The following FAM20A variants were observed in gnomAD, a reference collection of about 807,000 sequenced individuals.
FAM20A encodes the protein pseudokinase FAM20A.
FAM20A carries 42 observed loss-of-function variants against 52.0 expected under a neutral mutation model. The ratio of observed to expected loss-of-function variants is 0.81; its 90% CI spans 0.63 to 1.04. FAM20A has a LOEUF of 1.04. Ranked by LOEUF, FAM20A falls within the 50% of genes least tolerant of loss-of-function variation. FAM20A has a pLI of 0.00. For missense variants in FAM20A, 742 were observed against 712.7 expected, an observed-to-expected ratio of 1.04 and a Z score of -0.47; for synonymous variants, 304 against 298.9, an observed-to-expected ratio of 1.02 and a Z score of -0.18.
chr17:68,572,627 G>A (rs1435074158), intron 1 of FAM20A, among the ~76,000 whole-genome samples: 3 of 152,140 alleles, frequency 2.0e-5, no homozygotes, highest in South Asian at 4.1e-4. Context: ...TATGCAGAAC[G>A]ATCAACTCTC....
rs150867945 is a variant in FAM20A at position 68,561,764 on chromosome 17, G to A, written c.405-6021C>T. On this transcript the variant is annotated intron_variant, in intron 1 of 10. Coordinates refer to ENST00000592554, the MANE Select transcript of FAM20A (RefSeq NM_017565.4). The stretch of plus-strand genomic sequence containing the variant: ...TTCTTGAATTATTGATGAGCGTGTA[G>A]TTGGCACATCGTTCTAGAGGGTAAC... Among the ~76,000 whole-genome samples the A allele has an allele frequency of 6.6e-3, 1,009 of 152,160 alleles. 6 individuals are homozygous for A. The highest frequency in any genetic ancestry group is 0.014 in the South Asian group (68 of 4,812).
intron 1 of FAM20A, among the ~76,000 whole-genome samples, chr17:68,571,457 G>A (rs2087532452): frequency 6.6e-6 from 1 of 152,158 alleles, no homozygotes; most frequent in African/African-American, 2.4e-5. Context: ...TTGGACACAG[G>A]AATTGCACTT....
At chr17:68,572,021 T>TATATA (rs2087573920) in intron 1 of FAM20A, among the ~76,000 whole-genome samples, 1 of 120,724 alleles carries the variant, frequency 8.3e-6, no homozygotes, top group African/African-American at 3.4e-5. Flanking sequence ...TATATATATA[T>TATATA]ATATATATAT....
In FAM20A at chr17:68,600,622, C is replaced by T. The variant is rs555807010; in HGVS notation, c.45G>A (p.Leu15=). 26 of 1,561,240 alleles carry T rather than the reference C, an allele frequency of 1.7e-5. No individual in the cohort carries two copies. The East Asian group carries it at 5.6e-4, about 34-fold the overall frequency. The part of the protein sequence containing the change: ...RRDRLLTLLL[L]GALLSADLYF... ...AGAGGTCGGCGGAGAGCAGCGCGCC[C>T]AGCAGCAGCAGAGTCAGTAGGCGGT... The change falls in exon 1 of 11, where the codon CTG becomes CTA. Residue 15 remains leucine, a synonymous_variant. Coordinates refer to ENST00000592554, the MANE Select transcript of FAM20A (RefSeq NM_017565.4). This position sits in a 1 kb window ranked among gnomAD's most constrained non-coding sequence, Gnocchi z 6.2.
intron 1 of FAM20A, among the ~76,000 whole-genome samples, chr17:68,598,735 G>C (rs1038559275): frequency 4.6e-5 from 7 of 151,996 alleles, no homozygotes; most frequent in African/African-American, 1.7e-4. Flanking sequence ...ACTTTGCTTC[G>C]GGTCCAAAGT....
chr17:68,549,547 T>C lies in FAM20A; in HGVS notation c.719+2326A>G, dbSNP rs2086736127. ...CTATTGTGCCACATAAAAATTTTGC[T>C]CGGAGAACAGAATCTATGGACCTGG... On this transcript the variant is annotated intron_variant, in intron 4 of 10. Coordinates refer to ENST00000592554, the MANE Select transcript of FAM20A (RefSeq NM_017565.4). Among the ~76,000 whole-genome samples the C allele has an allele frequency of 3.3e-5, 5 of 152,022 alleles. No homozygotes were observed. In the South Asian group the frequency reaches 1.0e-3, roughly 32 times the overall value.
At position 68,600,758 on chromosome 17, in the gene FAM20A, A is replaced by G. The variant is rs1470993229; in HGVS notation, c.-92T>C. 1.3e-5 allele frequency: 18 copies of G among 1,392,828 alleles called. No individual in the cohort carries two copies. In the African/African-American group the frequency reaches 2.1e-4, roughly 16 times the overall value. 86.3% of individuals were successfully genotyped at this position (1,392,828 alleles called of 1,614,324 possible). A position where few individuals can be genotyped will look rare whatever the true frequency, so the allele number is the denominator to read the frequency against. ...GGGTGCGGGCAGAAGAGGTGCCTGG[A>G]GTCCCGCGGGTGGGCCGGGGTCAGT... is the stretch of plus-strand genomic sequence containing the variant. On this transcript the variant is annotated 5_prime_UTR_variant, in exon 1 of 11. Coordinates refer to ENST00000592554, the MANE Select transcript of FAM20A (RefSeq NM_017565.4). This position sits in a 1 kb window ranked among gnomAD's most constrained non-coding sequence, Gnocchi z 6.2.
At chr17:68,542,312 TC>T in intron 6 of FAM20A, 147 bp from the exon 7 acceptor site, 1 of 936,368 alleles carries the variant, frequency 1.1e-6, no homozygotes, top group Non-Finnish European at 1.6e-6. Flanking sequence ...CATTGACTTT[TC>T]CAGAAGTGAG....
At chr17:68,558,282 A>T (rs2087111810) in intron 1 of FAM20A, 1 of 407,334 alleles carries the variant, frequency 2.5e-6, no homozygotes, top group Non-Finnish European at 5.0e-6. Context: ...CAGCCAACCA[A>T]CACCTTGATT....
chr17:68,583,449 C>T (rs1272968859), intron 1 of FAM20A, among the ~76,000 whole-genome samples: 2 of 152,152 alleles, frequency 1.3e-5, no homozygotes, highest in Admixed American at 6.5e-5. Context: ...ACTCTACTCT[C>T]GGCCTTTGTG....
chr17:68,543,564 C>G, intron 5 of FAM20A, 65 bp downstream of exon 5: 1 of 1,442,258 alleles, frequency 6.9e-7, no homozygotes. Context: ...GAGGGTCTGT[C>G]TAGCCACCCC....
At chr17:68,589,371 G>A (rs1014433721) in intron 1 of FAM20A, among the ~76,000 whole-genome samples, 9 of 152,166 alleles carry the variant, frequency 5.9e-5, no homozygotes, top group Non-Finnish European at 7.3e-5. Flanking sequence ...CTGCAGAATC[G>A]GGGGCTAAAT....
intron 6 of FAM20A, 98 bp downstream of exon 6, chr17:68,542,595 TG>T (rs962578450): frequency 1.0e-5 from 9 of 898,636 alleles, no homozygotes; most frequent in Admixed American, 8.7e-5. Flanking sequence ...TAATGGATAG[TG>T]CTAGCAGCAG....
chr17:68,542,573 C>T lies in FAM20A; in HGVS notation c.928+121G>A, dbSNP rs78241877. 1,141 of 789,738 alleles carry T rather than the reference C, an allele frequency of 1.4e-3. 10 individuals are homozygous for T. In the East Asian group the frequency reaches 0.021, roughly 15 times the overall value. 48.9% of individuals were successfully genotyped at this position (789,738 alleles called of 1,614,324 possible). A position where few individuals can be genotyped will look rare whatever the true frequency, so the allele number is the denominator to read the frequency against. On this transcript the variant is annotated intron_variant, in intron 6 of 10. Coordinates refer to ENST00000592554, the MANE Select transcript of FAM20A (RefSeq NM_017565.4). The stretch of plus-strand genomic sequence containing the variant: ...GGTGGGAGTGTCTTACAACTTCATA[C>T]GCCCATCCCAGTAATGGATAGTGCT...
At chr17:68,587,871 C>T (rs2088202883) in intron 1 of FAM20A, among the ~76,000 whole-genome samples, 3 of 152,076 alleles carry the variant, frequency 2.0e-5, no homozygotes, top group African/African-American at 7.2e-5. Flanking sequence ...AGATAATGGT[C>T]TTGGAAATAC....
chr17:68,542,276 C>T (rs182324207), intron 6 of FAM20A, 111 bp from the exon 7 acceptor site: 25 of 1,184,450 alleles, frequency 2.1e-5, no homozygotes, highest in Admixed American at 8.0e-5. Context: ...ACTCACAGCT[C>T]GGGAAGAGAA....
chr17:68,591,700 C>G (rs940747848), intron 1 of FAM20A: 1 of 152,056 alleles, frequency 6.6e-6, no homozygotes, highest in African/African-American at 2.4e-5. Context: ...CCCAGCTGAT[C>G]CTTTCTTAAT....
chr17:68,596,190 G>C (rs898166414), intron 1 of FAM20A, among the ~76,000 whole-genome samples: 7 of 136,556 alleles, frequency 5.1e-5, no homozygotes, highest in Non-Finnish European at 9.8e-5. Flanking sequence ...AGGAGTTTCT[G>C]ATGTGGGAAA....
chr17:68,549,361 G>A (rs1047426241), intron 4 of FAM20A, among the ~76,000 whole-genome samples: 9 of 152,064 alleles, frequency 5.9e-5, no homozygotes, highest in Non-Finnish European at 1.2e-4. Context: ...AGGTGTGGTG[G>A]TACACATCTA....
Sources: allele counts gnomAD v4.1 joint callset (sites outside exome capture counted in the v4.1 genomes callset), GRCh38; gene constraint gnomAD v4.1.1; non-coding constraint Gnocchi (gnomAD v3.1); transcripts MANE v1.5; gene names NCBI Gene and HGNC (gene_info 2026-07-23, HGNC 2026-07-21).